PLD1: variants seen among roughly 807,000 people sequenced by gnomAD.
PLD1 encodes phospholipase D1.
In PLD1, 112 loss-of-function variants were observed where a neutral mutation model predicts 137.1. The ratio of observed to expected loss-of-function variants is 0.82; its 90% confidence interval spans 0.70 to 0.96. The LOEUF is 0.96. PLD1 is among the 40% of genes least tolerant of loss of function. The pLI is 0.00. For missense variants in PLD1, 1,321 were observed against 1,342.0 expected, an observed-to-expected ratio of 0.98 and a Z score of 0.24; for synonymous variants, 431 against 454.7, an observed-to-expected ratio of 0.95 and a Z score of 0.66.
intron 21 of PLD1, among the ~76,000 whole-genome samples, chr3:171,649,564 G>C (rs1247926430): frequency 6.6e-6 from 1 of 152,142 alleles, no homozygotes; most frequent in Non-Finnish European, 1.5e-5. Flanking sequence ...GGGGGTTGTG[G>C]AAATGATAGC....
intron 21 of PLD1, among the ~76,000 whole-genome samples, chr3:171,658,239 G>A (rs191772857): frequency 7.4e-4 from 112 of 152,280 alleles, no homozygotes; most frequent in Middle Eastern, 3.4e-3. Flanking sequence ...TGGCAGAGCC[G>A]CTTTGGAAGA....
intron 1 of PLD1, among the ~76,000 whole-genome samples, chr3:171,778,831 G>A (rs1000678556): frequency 6.6e-6 from 1 of 152,212 alleles, no homozygotes; most frequent in African/African-American, 2.4e-5. Context: ...AAAAGGCCCT[G>A]AAAGGTTTTA....
chr3:171,688,234 C>A (rs1430794955), intron 14 of PLD1, among the ~76,000 whole-genome samples: 1 of 152,216 alleles, frequency 6.6e-6, no homozygotes. Context: ...CAAATTCCCT[C>A]TAAATGACCC....
chr3:171,767,897 C>A (rs1041773066), intron 1 of PLD1, among the ~76,000 whole-genome samples: 3 of 151,898 alleles, frequency 2.0e-5, no homozygotes, highest in Non-Finnish European at 4.4e-5. Flanking sequence ...GAGCAGTGAT[C>A]GTGCCACTGC....
At chr3:171,659,377 ATT>A in intron 20 of PLD1, 76 bp from the exon 21 acceptor site, 1 of 934,802 alleles carries the variant, frequency 1.1e-6, no homozygotes, top group Non-Finnish European at 1.8e-6. Context: ...ACTGTAATAT[ATT>A]TTTTAAAATG....
intron 1 of PLD1, among the ~76,000 whole-genome samples, chr3:171,743,847 A>C (rs1719948647): frequency 1.3e-5 from 2 of 152,174 alleles, no homozygotes; most frequent in African/African-American, 4.8e-5. Flanking sequence ...AGTCATGGGC[A>C]TTCACCACAG....
intron 1 of PLD1, chr3:171,792,555 G>A (rs1276864245): frequency 4.4e-6 from 2 of 456,406 alleles, no homozygotes; most frequent in African/African-American, 4.0e-5. Context: ...CAAACCAGGA[G>A]AAGGAAGAGG....
At chr3:171,716,633 T>C (rs1174739458) in intron 8 of PLD1, among the ~76,000 whole-genome samples, 1 of 152,240 alleles carries the variant, frequency 6.6e-6, no homozygotes, top group African/African-American at 2.4e-5. Context: ...TTATAGATAC[T>C]GGCTATTAGG....
At chr3:171,632,764 T>C (rs908237011) in intron 23 of PLD1, among the ~76,000 whole-genome samples, 8 of 152,230 alleles carry the variant, frequency 5.3e-5, no homozygotes, top group African/African-American at 1.9e-4. Context: ...TTTTTTAAGA[T>C]TAATGATACT....
In PLD1 at chr3:171,659,247, C is replaced by T. The variant is rs540439098; in HGVS notation, c.2395G>A (p.Asp799Asn). The change falls in exon 21 of 27, where the codon GAT becomes AAT. Residue 799 changes from aspartate (D) to asparagine (N), a missense_variant. By Grantham distance (23) the Asp-to-Asn change is conservative (BLOSUM62 1). Transcript: ENST00000351298. Reference sequence around the variant, plus strand: ...TTCAGGATCCTCTGGGCAATGGCATCGCCTATCTTGTTGAACACAACTTTG... The same window carrying T: ...TTCAGGATCCTCTGGGCAATGGCATTGCCTATCTTGTTGAACACAACTTTG... Reference protein sequence around the residue: ...DDKVVFNKIGDAIAQRILKAH... With the variant: ...DDKVVFNKIGNAIAQRILKAH... 15 of 1,613,548 alleles carry T rather than the reference C, an allele frequency of 9.3e-6. No individual in the cohort carries two copies. In the African/African-American group the frequency reaches 1.5e-4, roughly 16 times the overall value.
chr3:171,720,595 A>C (rs1025550799), intron 8 of PLD1, among the ~76,000 whole-genome samples: 6 of 152,016 alleles, frequency 3.9e-5, no homozygotes. Flanking sequence ...AAAAAAAAAA[A>C]AGTCTTCCAC....
Position 171,706,124 on chromosome 3 carries a change from GTCTATCTA to G in PLD1, c.1145+2623_1145+2630del, listed in dbSNP as rs59943551. Among the ~76,000 whole-genome samples the G allele has an allele frequency of 6.0e-3, 881 of 146,864 alleles. 12 individuals carry two copies. The highest frequency in any genetic ancestry group is 0.018 in the African/African-American group (712 of 39,904). ...ACCCAAACCAACACCGGGTCAGTCA[GTCTATCTA>G]TCTATCTATCTATCTATCTATCTAT... On this transcript the variant is annotated intron_variant, in intron 11 of 26. Coordinates refer to ENST00000351298, the MANE Select transcript of PLD1 (RefSeq NM_002662.5).
chr3:171,769,677 C>T (rs1195241343), intron 1 of PLD1, among the ~76,000 whole-genome samples: 1 of 152,168 alleles, frequency 6.6e-6, no homozygotes, highest in Non-Finnish European at 1.5e-5. Context: ...GCAGCCATAA[C>T]ATTGTAACTT....
intron 13 of PLD1, among the ~76,000 whole-genome samples, chr3:171,690,945 C>T (rs1412869376): frequency 6.6e-6 from 1 of 152,178 alleles, no homozygotes; most frequent in Non-Finnish European, 1.5e-5. Flanking sequence ...CAACTATTAT[C>T]ATAGACTGTC....
intron 16 of PLD1, among the ~76,000 whole-genome samples, chr3:171,683,650 C>CGGAA (rs1208979203): frequency 6.6e-6 from 1 of 152,224 alleles, no homozygotes; most frequent in African/African-American, 2.4e-5. Flanking sequence ...CTCCTATGCT[C>CGGAA]TTCCTCCCGG....
At chr3:171,742,829 A>G (rs1719880366) in intron 1 of PLD1, among the ~76,000 whole-genome samples, 1 of 152,192 alleles carries the variant, frequency 6.6e-6, no homozygotes, top group Non-Finnish European at 1.5e-5. Flanking sequence ...ATATTTTTTG[A>G]GTTTAGCTGA....
chr3:171,674,541 A>C lies in PLD1; in HGVS notation c.2188T>G (p.Leu730Val). 6.2e-7 allele frequency: 1 copy of C among 1,610,252 alleles called. No individual in the cohort carries two copies. The highest frequency in any genetic ancestry group is 8.5e-7 in the Non-Finnish European group (1 of 1,176,834). Residue 730 changes from leucine to valine, a missense_variant, in exon 19 of 27, where the codon TTG becomes GTG. Transcript: ENST00000351298. Reference protein sequence around the residue: ...LPKSQTTAHELRYQVPGSVHA... With the variant: ...LPKSQTTAHEVRYQVPGSVHA... Reference sequence around the variant, plus strand: ...ACAGACCCAGGCACTTGATATCTCAACTCATGGGCTGTTGTTTGAGACTTT... The same window carrying C: ...ACAGACCCAGGCACTTGATATCTCACCTCATGGGCTGTTGTTTGAGACTTT...
At chr3:171,625,471 T>C (rs932318898) in intron 23 of PLD1, among the ~76,000 whole-genome samples, 3 of 152,210 alleles carry the variant, frequency 2.0e-5, no homozygotes. Context: ...CAGACTTAAA[T>C]GTCCCTGTCT....
At chr3:171,635,030 G>A (rs1734990248) in intron 23 of PLD1, among the ~76,000 whole-genome samples, 1 of 152,056 alleles carries the variant, frequency 6.6e-6, no homozygotes, top group Non-Finnish European at 1.5e-5. Context: ...ACAATATGTG[G>A]CCTTTTGTGC....
Sources: gnomAD v4.1 joint callset for allele counts (sites outside exome capture counted in the v4.1 genomes callset) on GRCh38, gnomAD v4.1.1 for gene constraint, MANE v1.5 for transcripts, NCBI Gene and HGNC (gene_info 2026-07-23, HGNC 2026-07-21) for gene names.